Variants in ZC3H12B observed in about 807,000 individuals in gnomAD.
The protein encoded by ZC3H12B is zinc finger CCCH-type containing 12B.
In ZC3H12B, 7 loss-of-function variants were observed where a neutral mutation model predicts 43.9. That is an observed-to-expected ratio of 0.16 (90% CI 0.09 to 0.30). The LOEUF is 0.30. ZC3H12B is among the 10% of genes least tolerant of loss of function. The pLI, the probability that ZC3H12B is intolerant of heterozygous loss-of-function variation, is 1.00. For missense variants in ZC3H12B, 475 were observed against 670.2 expected, an observed-to-expected ratio of 0.71 and a Z score of 3.22; for synonymous variants, 222 against 241.7, an observed-to-expected ratio of 0.92 and a Z score of 0.76.
chrX:65,084,278 C>T, the ZC3H12B span, among the ~76,000 whole-genome samples: 2 of 111,683 alleles, frequency 1.8e-5, no homozygotes, highest in Non-Finnish European at 3.8e-5. Flanking sequence ...AATTAAAAAG[C>T]TTCTGCACTG....
chrX:65,397,584 A>C (rs1382192133), intron 2 of ZC3H12B, among the ~76,000 whole-genome samples: 1 of 111,636 alleles, frequency 9.0e-6, no homozygotes, highest in Admixed American at 9.6e-5. Context: ...ACATCATTTC[A>C]TAAAGAATAA....
the ZC3H12B span, among the ~76,000 whole-genome samples, chrX:65,236,359 G>T: frequency 6.3e-3 from 707 of 111,412 alleles, 7 homozygotes; most frequent in African/African-American, 0.023. Context: ...ATTTTGAGAA[G>T]GGTTTGTCCA....
the ZC3H12B span, among the ~76,000 whole-genome samples, chrX:65,323,377 T>C: frequency 6.2e-5 from 7 of 112,144 alleles, no homozygotes; most frequent in African/African-American, 2.3e-4. Context: ...TGGTGTGTGA[T>C]GTTCCCCTCC....
chrX:65,171,640 G>A, the ZC3H12B span, among the ~76,000 whole-genome samples: 15 of 111,478 alleles, frequency 1.3e-4, no homozygotes, highest in Admixed American at 1.4e-3. Flanking sequence ...GCCCCCAGAG[G>A]TGGAGTCTAC....
the ZC3H12B span, among the ~76,000 whole-genome samples, chrX:65,092,416 T>C: frequency 9.0e-6 from 1 of 110,922 alleles, no homozygotes; most frequent in African/African-American, 3.3e-5. Flanking sequence ...CAGAAGAAGA[T>C]AGGAAGATGA....
chrX:65,248,487 T>C, the ZC3H12B span, among the ~76,000 whole-genome samples: 2 of 112,038 alleles, frequency 1.8e-5, no homozygotes, highest in Non-Finnish European at 3.8e-5. Context: ...CCCTAGCATA[T>C]TAAATCAGCA....
the ZC3H12B span, among the ~76,000 whole-genome samples, chrX:65,145,507 C>T: frequency 1.8e-5 from 2 of 111,519 alleles, no homozygotes; most frequent in Non-Finnish European, 3.8e-5. Flanking sequence ...TTTTATTCTT[C>T]GTGCTATTTG....
At chrX:65,194,593 A>G in the ZC3H12B span, among the ~76,000 whole-genome samples, 42 of 111,847 alleles carry the variant, frequency 3.8e-4, no homozygotes, top group Admixed American at 4.0e-3. Flanking sequence ...TTGACCTAAT[A>G]TATGGTCTAT....
the ZC3H12B span, among the ~76,000 whole-genome samples, chrX:65,197,426 T>G: frequency 3.6e-5 from 4 of 112,042 alleles, no homozygotes; most frequent in African/African-American, 1.3e-4. Context: ...TTGAAAGACC[T>G]CTTTCTAATA....
chrX:65,177,270 T>C, the ZC3H12B span, among the ~76,000 whole-genome samples: 1 of 111,813 alleles, frequency 8.9e-6, no homozygotes, highest in Non-Finnish European at 1.9e-5. Flanking sequence ...TTGTTGATGG[T>C]ACATATCTCA....
intron 3 of ZC3H12B, among the ~76,000 whole-genome samples, chrX:65,471,241 C>CT (rs1398702060): frequency 3.6e-5 from 4 of 110,461 alleles, no homozygotes; most frequent in African/African-American, 1.3e-4. Flanking sequence ...TGGATTGATG[C>CT]TTTTATCATT....
chrX:65,326,806 A>C, the ZC3H12B span, among the ~76,000 whole-genome samples: 17 of 111,759 alleles, frequency 1.5e-4, no homozygotes, highest in African/African-American at 5.5e-4. Context: ...CTCAATTTTT[A>C]AAAAGAAATG....
At chrX:65,192,937 C>G in the ZC3H12B span, among the ~76,000 whole-genome samples, 1 of 110,202 alleles carries the variant, frequency 9.1e-6, no homozygotes. Context: ...CCACCCCCAG[C>G]TAATTTTTGT....
At chrX:65,109,644 G>A in the ZC3H12B span, among the ~76,000 whole-genome samples, 1 of 111,710 alleles carries the variant, frequency 9.0e-6, no homozygotes, top group Non-Finnish European at 1.9e-5. Flanking sequence ...TATGAATAAT[G>A]CTGCTATGAA....
the ZC3H12B span, among the ~76,000 whole-genome samples, chrX:65,043,750 T>G: frequency 1.8e-5 from 2 of 111,660 alleles, no homozygotes; most frequent in Non-Finnish European, 3.8e-5. Flanking sequence ...ATATCTGATT[T>G]TTTCAAAAAT....
the ZC3H12B span, among the ~76,000 whole-genome samples, chrX:65,229,396 A>G: frequency 9.2e-6 from 1 of 108,495 alleles, no homozygotes; most frequent in South Asian, 4.0e-4. Flanking sequence ...AGATGGATTA[A>G]AGACTTAAAC....
At chrX:65,251,252 G>A in the ZC3H12B span, among the ~76,000 whole-genome samples, 1 of 111,437 alleles carries the variant, frequency 9.0e-6, no homozygotes, top group African/African-American at 3.3e-5. Context: ...GGTTGTAGAT[G>A]TGTGGCGTTA....
At chrX:65,239,640 C>T in the ZC3H12B span, among the ~76,000 whole-genome samples, 187 of 111,977 alleles carry the variant, frequency 1.7e-3, 3 homozygotes, top group African/African-American at 5.9e-3. Context: ...GTTTATTTTG[C>T]ACACTTGTTT....
the ZC3H12B span, among the ~76,000 whole-genome samples, chrX:65,127,255 G>A: frequency 1.8e-5 from 2 of 111,723 alleles, no homozygotes; most frequent in Non-Finnish European, 3.8e-5. Context: ...CTGAATTGTA[G>A]TGATTGCTTT....
Sources: allele counts gnomAD v4.1 joint callset (sites outside exome capture counted in the v4.1 genomes callset), GRCh38; gene constraint gnomAD v4.1.1; transcripts MANE v1.5; gene names NCBI Gene and HGNC (gene_info 2026-07-23, HGNC 2026-07-21).